ME3: variants seen among roughly 807,000 people sequenced by gnomAD.
The protein encoded by ME3 is NADP-dependent malic enzyme, mitochondrial.
Under a neutral mutation model 68.9 loss-of-function variants are expected in ME3, and 48 were observed. The observed-to-expected ratio is 0.70, with a 90% CI of 0.55 to 0.89. The LOEUF (loss-of-function observed/expected upper bound fraction) is 0.89, where lower values mean the gene tolerates loss of function less well. Ranked by LOEUF, ME3 falls within the 40% of genes least tolerant of loss-of-function variation. The probability of loss-of-function intolerance (pLI) is 0.00; values close to 1 mark genes in which losing one functional copy is unlikely to be tolerated. For synonymous variants in ME3, 320 were observed against 318.8 expected, an observed-to-expected ratio of 1.00 and a Z score of -0.04; for missense variants, 675 against 797.4, an observed-to-expected ratio of 0.85 and a Z score of 1.85.
At chr11:86,599,590 A>G (rs938626418) in intron 2 of ME3, among the ~76,000 whole-genome samples, 4 of 152,184 alleles carry the variant, frequency 2.6e-5, no homozygotes, top group Non-Finnish European at 4.4e-5. Context: ...AGATTCAGGA[A>G]ATACAGAGAA....
At chr11:86,513,395 A>C (rs1953675578) in intron 4 of ME3, among the ~76,000 whole-genome samples, 1 of 152,208 alleles carries the variant, frequency 6.6e-6, no homozygotes, top group Admixed American at 6.5e-5. Context: ...TTTTGAAAGG[A>C]TTGCCCTGGC....
chr11:86,672,151 G>A, intron 1 of ME3, 173 bp downstream of exon 1: 1 of 488,868 alleles, frequency 2.0e-6, no homozygotes, highest in Non-Finnish European at 3.4e-6. Flanking sequence ...GCCAGGCCTA[G>A]CCAAGAGCCA....
chr11:86,645,216 A>G (rs943035099), intron 2 of ME3, among the ~76,000 whole-genome samples: 5 of 152,004 alleles, frequency 3.3e-5, no homozygotes, highest in Non-Finnish European at 7.4e-5. Context: ...AGACAGAACT[A>G]TTCACTCCCC....
At chr11:86,465,136 T>C (rs752542803) in exon 8 of ME3, 1 of 1,613,954 alleles carries the variant, frequency 6.2e-7, no homozygotes, top group Non-Finnish European at 8.5e-7. Context: ...CGGTATTTGT[T>C]GAGCAGGCGG....
chr11:86,463,496 C>T (rs76557791), intron 8 of ME3, among the ~76,000 whole-genome samples: 4,162 of 152,342 alleles, frequency 0.027, 72 homozygotes, highest in Middle Eastern at 0.034. Flanking sequence ...CCTGTCTGCG[C>T]AGTGTCCTGG....
chr11:86,604,438 T>A (rs1175471675), intron 2 of ME3, among the ~76,000 whole-genome samples: 1 of 152,110 alleles, frequency 6.6e-6, no homozygotes, highest in African/African-American at 2.4e-5. Flanking sequence ...TAGGGTTGTC[T>A]CTTACAAGAA....
At chr11:86,654,863 A>G (rs914413542) in intron 2 of ME3, among the ~76,000 whole-genome samples, 13 of 152,210 alleles carry the variant, frequency 8.5e-5, no homozygotes, top group Non-Finnish European at 2.9e-5. Context: ...GTCTCAGCCC[A>G]AAATCTCCTT....
intron 2 of ME3, among the ~76,000 whole-genome samples, chr11:86,663,642 A>G (rs1355595949): frequency 6.6e-6 from 1 of 152,226 alleles, no homozygotes; most frequent in East Asian, 1.9e-4. Flanking sequence ...GGCCATAGAA[A>G]TCAAAAGGCC....
At chr11:86,504,407 T>TTTTTTTTTTTTTTTTTTTTTA (rs1491166256) in intron 5 of ME3, among the ~76,000 whole-genome samples, 1 of 125,524 alleles carries the variant, frequency 8.0e-6, no homozygotes, top group African/African-American at 3.2e-5. Flanking sequence ...TTTTTTTTTT[T>TTTTTTTTTTTTTTTTTTTTTA]GAGACAGAGT....
intron 5 of ME3, 116 bp from the exon 6 acceptor site, chr11:86,498,240 G>A: frequency 2.4e-6 from 3 of 1,237,010 alleles, no homozygotes; most frequent in South Asian, 1.5e-5. Flanking sequence ...CTTTGCCGGT[G>A]TGAAAGAGCT....
intron 2 of ME3, among the ~76,000 whole-genome samples, chr11:86,591,775 T>A (rs1023058224): frequency 1.3e-5 from 2 of 152,134 alleles, no homozygotes; most frequent in Admixed American, 6.5e-5. Context: ...TCCCCTTTTT[T>A]AAAATCATCA....
At chr11:86,619,226 A>G (rs963663366) in intron 2 of ME3, among the ~76,000 whole-genome samples, 6 of 152,218 alleles carry the variant, frequency 3.9e-5, no homozygotes, top group African/African-American at 1.2e-4. Context: ...ACCCAGTCTC[A>G]GGTATTTCTT....
intron 7 of ME3, among the ~76,000 whole-genome samples, chr11:86,482,351 C>T (rs1384029635): frequency 1.3e-5 from 2 of 152,132 alleles, no homozygotes; most frequent in Non-Finnish European, 2.9e-5. Flanking sequence ...ATGCCTGGCT[C>T]AGTGTCTGGT....
intron 8 of ME3, among the ~76,000 whole-genome samples, chr11:86,454,284 C>T (rs530175848): frequency 1.8e-4 from 27 of 152,310 alleles, no homozygotes; most frequent in African/African-American, 6.5e-4. Flanking sequence ...TATTTTTGCC[C>T]TTTGACCTTA....
At chr11:86,628,712 G>C (rs1943817494) in intron 2 of ME3, among the ~76,000 whole-genome samples, 1 of 152,068 alleles carries the variant, frequency 6.6e-6, no homozygotes, top group Non-Finnish European at 1.5e-5. Context: ...CTAGGTAATG[G>C]GTTAGGTAAC....
rs762937781 is a variant in ME3 at position 86,447,029 on chromosome 11, C to T, written c.1380+36G>A. 5 of 1,606,786 alleles carry T rather than the reference C, an allele frequency of 3.1e-6. No homozygotes were observed. The African/African-American group carries it at 4.0e-5, about 13-fold the overall frequency. On this transcript the variant is annotated intron_variant, in intron 12 of 14. Transcript: ENST00000543262. ...TTACTCATTGTAATTGTTACTATGT[C>T]CTCTCAGCCGGGGGAAGGAAGGACT...
chr11:86,625,205 C>G (rs890534232), intron 2 of ME3, among the ~76,000 whole-genome samples: 6 of 152,048 alleles, frequency 3.9e-5, no homozygotes, highest in Non-Finnish European at 8.8e-5. Flanking sequence ...CAGTAACTAT[C>G]GTTAACAAAG....
At chr11:86,495,730 A>G (rs936730165) in intron 6 of ME3, among the ~76,000 whole-genome samples, 10 of 152,230 alleles carry the variant, frequency 6.6e-5, no homozygotes, top group African/African-American at 1.4e-4. Context: ...GCATGTATCC[A>G]TATCTAACCT....
chr11:86,558,206 AGAGGATTTCACT>A (rs1368397518), intron 3 of ME3, among the ~76,000 whole-genome samples: 1 of 152,226 alleles, frequency 6.6e-6, no homozygotes, highest in Non-Finnish European at 1.5e-5. Context: ...TCTGTAGGAA[AGAGGATTTCACT>A]TTGGACTTGA....
Sources: allele counts gnomAD v4.1 joint callset (sites outside exome capture counted in the v4.1 genomes callset), GRCh38; gene constraint gnomAD v4.1.1; transcripts MANE v1.5; gene names NCBI Gene and HGNC (gene_info 2026-07-23, HGNC 2026-07-21).